Variants in CACNA2D3 observed in about 807,000 individuals in gnomAD.
CACNA2D3 encodes calcium voltage-gated channel auxiliary subunit alpha2delta 3, also known as voltage-dependent calcium channel subunit alpha-2/delta-3.
CACNA2D3 carries 60 observed loss-of-function variants against 160.6 expected under a neutral mutation model. That is an observed-to-expected ratio of 0.37 (90% CI 0.30 to 0.46). The LOEUF is 0.46. Among genes scored for constraint, CACNA2D3 ranks in the 20% least tolerant of loss-of-function variants. The pLI is 1.00. For synonymous variants in CACNA2D3, 558 were observed against 492.9 expected, an observed-to-expected ratio of 1.13 and a Z score of -1.75; for missense variants, 1,205 against 1,365.0, an observed-to-expected ratio of 0.88 and a Z score of 1.85.
At chr3:54,885,734 G>A (rs1699910018) in intron 23 of CACNA2D3, 148 bp downstream of exon 23, 1 of 644,600 alleles carries the variant, frequency 1.6e-6, no homozygotes, top group Non-Finnish European at 2.8e-6. Flanking sequence ...TCTGCTTCCT[G>A]TAGGAACAGG....
intron 24 of CACNA2D3, 139 bp downstream of exon 24, chr3:54,888,191 A>T: frequency 1.5e-6 from 1 of 655,476 alleles, no homozygotes; most frequent in South Asian, 2.0e-5. Flanking sequence ...CCAAACCACA[A>T]GAGCTAGAGC....
intron 14 of CACNA2D3, among the ~76,000 whole-genome samples, chr3:54,821,687 T>C (rs1703602068): frequency 7.9e-6 from 1 of 127,140 alleles, no homozygotes. Context: ...TTTCTTTCTT[T>C]CTTTCTTTCT....
intron 2 of CACNA2D3, among the ~76,000 whole-genome samples, chr3:54,133,035 C>T (rs1699746932): frequency 6.6e-6 from 1 of 152,146 alleles, no homozygotes; most frequent in Admixed American, 6.5e-5. Context: ...TACATACCAG[C>T]AAGTGTTGGT....
chr3:54,661,469 G>A (rs763944076), intron 11 of CACNA2D3, among the ~76,000 whole-genome samples: 4 of 152,038 alleles, frequency 2.6e-5, no homozygotes, highest in Admixed American at 6.5e-5. Flanking sequence ...AATGTGTTTC[G>A]TCTCCACAGA....
rs184388133 is a variant in CACNA2D3, at chr3:54,740,795, T to C, written c.1168-11804T>C. Among the ~76,000 whole-genome samples, 366 of 152,156 alleles carry C rather than the reference T, an allele frequency of 2.4e-3. 2 individuals are homozygous for C. Among genetic ancestry groups the C allele is most frequent in the African/African-American group, 8.4e-3 (349 of 41,500 alleles). The stretch of plus-strand genomic sequence containing the variant: ...TGACAGGGAGGATGGGTTGGGAAAA[T>C]AGAAATGACAAGAACTTGGGAAAAG... On this transcript the variant is annotated intron_variant, in intron 11 of 37. Coordinates refer to ENST00000474759, the MANE Select transcript of CACNA2D3 (RefSeq NM_018398.3).
At chr3:54,317,826 A>G (rs893790248) in intron 2 of CACNA2D3, among the ~76,000 whole-genome samples, 2 of 152,300 alleles carry the variant, frequency 1.3e-5, no homozygotes, top group African/African-American at 2.4e-5. Flanking sequence ...GGTGTGAACC[A>G]CCGCACCTGG....
intron 4 of CACNA2D3, among the ~76,000 whole-genome samples, chr3:54,409,899 G>A (rs1018048425): frequency 7.9e-5 from 12 of 152,248 alleles, no homozygotes; most frequent in Admixed American, 6.5e-5. Context: ...ACATAAAAGT[G>A]CAAGGTGAAG....
chr3:54,552,410 C>T (rs1041239158), intron 5 of CACNA2D3, among the ~76,000 whole-genome samples: 7 of 152,166 alleles, frequency 4.6e-5, no homozygotes, highest in South Asian at 2.1e-4. Flanking sequence ...TACCCTGGTC[C>T]GTGGACTGCG....
At chr3:54,618,407 A>ACACACC in intron 9 of CACNA2D3, among the ~76,000 whole-genome samples, 1 of 150,244 alleles carries the variant, frequency 6.7e-6, no homozygotes, top group Non-Finnish European at 1.5e-5. Flanking sequence ...ACACACACAC[A>ACACACC]CACACAGTGC....
chr3:54,169,338 A>ATT (rs35029686), intron 2 of CACNA2D3, among the ~76,000 whole-genome samples: 1 of 151,724 alleles, frequency 6.6e-6, no homozygotes, highest in Non-Finnish European at 1.5e-5. Flanking sequence ...ATGTAAAGGG[A>ATT]TTTTTTTGGA....
At chr3:54,666,129 TGAG>T (rs1194396493) in intron 11 of CACNA2D3, among the ~76,000 whole-genome samples, 6 of 152,278 alleles carry the variant, frequency 3.9e-5, no homozygotes, top group African/African-American at 1.4e-4. Flanking sequence ...GAGAACATGA[TGAG>T]GAATAAGAGG....
At chr3:54,128,167 T>C (rs1699634162) in intron 2 of CACNA2D3, among the ~76,000 whole-genome samples, 1 of 152,180 alleles carries the variant, frequency 6.6e-6, no homozygotes, top group African/African-American at 2.4e-5. Flanking sequence ...CTGATTTTAA[T>C]TAATTAATTC....
intron 9 of CACNA2D3, among the ~76,000 whole-genome samples, chr3:54,595,110 T>C (rs1486511333): frequency 6.6e-6 from 1 of 152,250 alleles, no homozygotes; most frequent in African/African-American, 2.4e-5. Flanking sequence ...GACATTTATG[T>C]GATAATGTAT....
chr3:54,965,171 G>C (rs762419458), intron 27 of CACNA2D3, among the ~76,000 whole-genome samples: 1 of 152,152 alleles, frequency 6.6e-6, no homozygotes, highest in Admixed American at 6.5e-5. Flanking sequence ...ACCAATTAGT[G>C]TGGCTGTGCT....
chr3:54,188,714 T>C (rs991713781), intron 2 of CACNA2D3, among the ~76,000 whole-genome samples: 1 of 152,168 alleles, frequency 6.6e-6, no homozygotes, highest in African/African-American at 2.4e-5. Flanking sequence ...TCATGAGTTT[T>C]TCAGGTCAAA....
chr3:55,051,898 G>C (rs921186978), intron 35 of CACNA2D3, among the ~76,000 whole-genome samples: 10 of 152,070 alleles, frequency 6.6e-5, no homozygotes, highest in African/African-American at 1.4e-4. Flanking sequence ...CTTTCTTTGA[G>C]TCAGAAAGGG....
intron 4 of CACNA2D3, among the ~76,000 whole-genome samples, chr3:54,430,688 A>G (rs1321412675): frequency 6.6e-6 from 1 of 152,154 alleles, no homozygotes. Flanking sequence ...ACCTGCAATG[A>G]CTTTGACTTT....
chr3:54,139,241 T>C (rs1699874382), intron 2 of CACNA2D3, among the ~76,000 whole-genome samples: 1 of 152,242 alleles, frequency 6.6e-6, no homozygotes, highest in Non-Finnish European at 1.5e-5. Flanking sequence ...TGTCCCAGTG[T>C]GCCCCCATCC....
chr3:54,972,675 G>A (rs1439058142), intron 29 of CACNA2D3, among the ~76,000 whole-genome samples: 2 of 152,168 alleles, frequency 1.3e-5, no homozygotes, highest in African/African-American at 4.8e-5. Flanking sequence ...CTGGGCCTTG[G>A]CAGGAGTGCT....
Sources: gnomAD v4.1 joint callset for allele counts (sites outside exome capture counted in the v4.1 genomes callset) on GRCh38, gnomAD v4.1.1 for gene constraint, MANE v1.5 for transcripts, NCBI Gene and HGNC (gene_info 2026-07-23, HGNC 2026-07-21) for gene names.